KCNQ1: variants seen among roughly 807,000 people sequenced by gnomAD.
The protein encoded by KCNQ1 is potassium voltage-gated channel subfamily KQT member 1.
Under a neutral mutation model 72.4 loss-of-function variants are expected in KCNQ1, and 49 were observed. The observed-to-expected ratio is 0.68, with a 90% confidence interval of 0.54 to 0.86. The LOEUF (loss-of-function observed/expected upper bound fraction) is 0.86, where lower values mean the gene tolerates loss of function less well. KCNQ1 is among the 40% of genes least tolerant of loss of function. The pLI, the probability that KCNQ1 is intolerant of heterozygous loss-of-function variation, is 0.00. For missense variants in KCNQ1, 790 were observed against 945.1 expected (o/e 0.84, Z 2.15); for synonymous variants, 450 against 412.6 (o/e 1.09, Z -1.10).
chr11:2,513,352 C>T (rs999101408), intron 1 of KCNQ1, among the ~76,000 whole-genome samples: 7 of 152,154 alleles, frequency 4.6e-5, no homozygotes, highest in African/African-American at 1.7e-4. Context: ...CTCAAGGGAC[C>T]CATGGGACTT....
At chr11:2,667,248 G>A (rs997633069) in intron 11 of KCNQ1, 30 of 398,558 alleles carry the variant, frequency 7.5e-5, no homozygotes, top group Admixed American at 7.0e-4. Context: ...GTCTGAGCAC[G>A]TGAGGAAGAA....
intron 10 of KCNQ1, chr11:2,637,110 G>A (rs1475021771): frequency 6.6e-6 from 1 of 151,774 alleles, no homozygotes; most frequent in East Asian, 1.9e-4. Context: ...TATCAATTTT[G>A]TTGATCTTTT....
chr11:2,610,979 A>C, intron 10 of KCNQ1: 1 of 398,368 alleles, frequency 2.5e-6, no homozygotes. Flanking sequence ...AAGAGTTAGT[A>C]CTATTATTGT....
rs897821378 is a variant in KCNQ1, at chr11:2,642,548, G to T, written c.1394-19413G>T. On this transcript the variant is annotated intron_variant, in intron 10 of 15. Transcript: ENST00000155840. The surrounding 1 kb of genome is among the most constrained non-coding windows in gnomAD (Gnocchi z 4.3). ...CTTTTTCATTTTTGATTTTATTCATGTAGGTCTTCTCTCTTTTCTTCTTGG... is the reference window on the plus strand; with the variant it reads ...CTTTTTCATTTTTGATTTTATTCATTTAGGTCTTCTCTCTTTTCTTCTTGG... The T allele has an allele frequency of 3.0e-5, 12 of 397,670 alleles. No individual in the cohort carries two copies. The highest frequency in any genetic ancestry group is 2.5e-4 in the African/African-American group (12 of 48,550). 24.6% of individuals were successfully genotyped at this position (397,670 alleles called of 1,614,324 possible). A position where few individuals can be genotyped will look rare whatever the true frequency, so the allele number is the denominator to read the frequency against.
chr11:2,595,034 G>A lies in KCNQ1; in HGVS notation c.1393+6180G>A, dbSNP rs1393477461. 2.6e-5 allele frequency among the ~76,000 whole-genome samples: 4 copies of A among 152,154 alleles called. No homozygotes were observed. The highest frequency in any genetic ancestry group is 2.6e-4 in the Admixed American group (4 of 15,286). On this transcript the variant is annotated intron_variant, in intron 10 of 15. Transcript: ENST00000155840. The surrounding 1 kb of genome is among the most constrained non-coding windows in gnomAD (Gnocchi z 5.0). ...GAAGCTGCACTTTTGCTTGTACAGG[G>A]TGACCCAGTGAACCAATCCAGGACC...
At position 2,627,281 on chromosome 11, in the gene KCNQ1, T is replaced by C. The variant is rs1211114428; in HGVS notation, c.1394-34680T>C. 1 of 398,446 alleles carries C rather than the reference T, an allele frequency of 2.5e-6. No homozygotes were observed. Among genetic ancestry groups the C allele is most frequent in the Non-Finnish European group, 4.4e-6 (1 of 226,060 alleles). The allele number at this position is 398,446 out of a possible 1,614,324, so 24.7% of individuals were successfully genotyped here. A position where few individuals can be genotyped will look rare whatever the true frequency, so the allele number is the denominator to read the frequency against. On this transcript the variant is annotated intron_variant, in intron 10 of 15. Coordinates refer to ENST00000155840, the MANE Select transcript of KCNQ1 (RefSeq NM_000218.3). The surrounding 1 kb of genome is among the most constrained non-coding windows in gnomAD (Gnocchi z 4.9). ...ATTACTACAATCAAGCCAATTAACA[T>C]ATACCTTACATAGTTGCCATGTGTG...
At chr11:2,697,802 C>A in intron 11 of KCNQ1, 1 of 398,614 alleles carries the variant, frequency 2.5e-6, no homozygotes, top group South Asian at 1.3e-4. Flanking sequence ...CATCTACATT[C>A]ATAAGGGAAA....
rs1849234889 is a variant in KCNQ1, at chr11:2,624,696, A to G, written c.1393+35842A>G. ...ATCATCCATCTCCATAACACTTGTC[A>G]TTTGTAATTATGAAACTCTATATCC... is the stretch of plus-strand genomic sequence containing the variant. On this transcript the variant is annotated intron_variant, in intron 10 of 15. Coordinates refer to ENST00000155840, the MANE Select transcript of KCNQ1 (RefSeq NM_000218.3). The surrounding 1 kb of genome is among the most constrained non-coding windows in gnomAD (Gnocchi z 4.9). The G allele has an allele frequency of 2.5e-6, 1 of 398,408 alleles. No individual in the cohort carries two copies. Among genetic ancestry groups the G allele is most frequent in the Admixed American group, 4.4e-5 (1 of 22,712 alleles). The allele number at this position is 398,408 out of a possible 1,614,324, so 24.7% of individuals were successfully genotyped here.
Position 2,642,909 on chromosome 11 carries a change from C to A in KCNQ1, c.1394-19052C>A. On this transcript the variant is annotated intron_variant, in intron 10 of 15. Transcript: ENST00000155840. The surrounding 1 kb of genome is among the most constrained non-coding windows in gnomAD (Gnocchi z 4.3). ...AAATTTTTTATTTCTGCCTTAATTT[C>A]TTCTTTGACCCATTGGTCATTCAGG... 1 of 397,846 alleles carries A rather than the reference C, an allele frequency of 2.5e-6. No homozygotes were observed. The highest frequency in any genetic ancestry group is 4.4e-6 in the Non-Finnish European group (1 of 225,668). The allele number at this position is 397,846 out of a possible 1,614,324, so 24.6% of individuals were successfully genotyped here.
rs1564852033 is a variant in KCNQ1, at chr11:2,668,507, T to C, written c.1514+6426T>C. On this transcript the variant is annotated intron_variant, in intron 11 of 15. Transcript: ENST00000155840. This position sits in a 1 kb window ranked among gnomAD's most constrained non-coding sequence, Gnocchi z 4.3. Reference sequence around the variant, plus strand: ...CCATGATGGTGAATGTCTAGCAGCATCAAATGGTGATTTTAATTTGCAGTA... The same window carrying C: ...CCATGATGGTGAATGTCTAGCAGCACCAAATGGTGATTTTAATTTGCAGTA... 5.0e-6 allele frequency: 2 copies of C among 398,670 alleles called. No individual in the cohort carries two copies. The highest frequency in any genetic ancestry group is 8.8e-6 in the Non-Finnish European group (2 of 226,072). 24.7% of individuals were successfully genotyped at this position (398,670 alleles called of 1,614,324 possible).
chr11:2,749,855 G>A (rs868712880), intron 11 of KCNQ1, among the ~76,000 whole-genome samples: 1 of 151,654 alleles, frequency 6.6e-6, no homozygotes, highest in Non-Finnish European at 1.5e-5. Context: ...GTGGACGCCT[G>A]TAATCCCAGC....
At chr11:2,825,683 C>T (rs1275399944) in intron 15 of KCNQ1, among the ~76,000 whole-genome samples, 3 of 152,236 alleles carry the variant, frequency 2.0e-5, no homozygotes, top group African/African-American at 7.2e-5. Context: ...GAACAATAAA[C>T]AGACAATTAA....
At chr11:2,580,576 C>T (rs1423186259) in intron 6 of KCNQ1, among the ~76,000 whole-genome samples, 7 of 152,318 alleles carry the variant, frequency 4.6e-5, no homozygotes, top group Admixed American at 6.5e-5. Context: ...CCACTGCTTA[C>T]GCTTGGGTGG....
In KCNQ1 at chr11:2,478,538, T is replaced by G. The variant is rs1383933267; in HGVS notation, c.386+33054T>G. Among the ~76,000 whole-genome samples the G allele has an allele frequency of 1.3e-5, 2 of 151,978 alleles. No individual in the cohort carries two copies. The highest frequency in any genetic ancestry group is 1.9e-4 in the East Asian group (1 of 5,184). On this transcript the variant is annotated intron_variant, in intron 1 of 15. Coordinates refer to ENST00000155840, the MANE Select transcript of KCNQ1 (RefSeq NM_000218.3). This position sits in a 1 kb window ranked among gnomAD's most constrained non-coding sequence, Gnocchi z 4.0. Reference sequence around the variant, plus strand: ...CAAAGGGTTTCCCCTTATAAAACCATCAGATCTCGTGAGACTTATTCATTA... The same window carrying G: ...CAAAGGGTTTCCCCTTATAAAACCAGCAGATCTCGTGAGACTTATTCATTA...
Position 2,828,903 on chromosome 11 carries a change from T to C in KCNQ1, c.1795-18864T>C, listed in dbSNP as rs115949303. Among the ~76,000 whole-genome samples the C allele has an allele frequency of 2.0e-5, 3 of 152,220 alleles. No homozygotes were observed. Among genetic ancestry groups the C allele is most frequent in the African/African-American group, 7.2e-5 (3 of 41,524 alleles). ...AAAAAGTAAGTCACACACAAGAGAA[T>C]AGAAAATCAAAACGGTATCCAATTT... On this transcript the variant is annotated intron_variant, in intron 15 of 15. Coordinates refer to ENST00000155840, the MANE Select transcript of KCNQ1 (RefSeq NM_000218.3). This position sits in a 1 kb window ranked among gnomAD's most constrained non-coding sequence, Gnocchi z 5.3.
chr11:2,701,542 A>G (rs1365493379), intron 11 of KCNQ1, among the ~76,000 whole-genome samples: 1 of 152,154 alleles, frequency 6.6e-6, no homozygotes, highest in East Asian at 1.9e-4. Context: ...TGCACCCCAG[A>G]CTCAGGGTTT....
At position 2,644,014 on chromosome 11, in the gene KCNQ1, C is replaced by T. The variant is rs552024216; in HGVS notation, c.1394-17947C>T. The stretch of plus-strand genomic sequence containing the variant: ...TGTAAGTGTCTACAACCTCTTTTAT[C>T]GCTGGTTTTATGATTCTCTCTTTGT... On this transcript the variant is annotated intron_variant, in intron 10 of 15. Coordinates refer to ENST00000155840, the MANE Select transcript of KCNQ1 (RefSeq NM_000218.3). 37 of 398,458 alleles carry T rather than the reference C, an allele frequency of 9.3e-5. No individual in the cohort carries two copies. In the South Asian group the frequency reaches 4.0e-3, roughly 43 times the overall value. 24.7% of individuals were successfully genotyped at this position (398,458 alleles called of 1,614,324 possible).
chr11:2,765,423 C>G (rs778721569), intron 11 of KCNQ1, among the ~76,000 whole-genome samples: 2 of 152,134 alleles, frequency 1.3e-5, no homozygotes, highest in Non-Finnish European at 2.9e-5. Context: ...CATATGGTCT[C>G]TTTTGGTACA....
chr11:2,666,768 A>G, intron 11 of KCNQ1: 1 of 398,764 alleles, frequency 2.5e-6, no homozygotes, highest in Non-Finnish European at 4.4e-6. Flanking sequence ...GTGAGTGTCT[A>G]AGCTCCTCAC....
Sources: gnomAD v4.1 joint callset for allele counts (sites outside exome capture counted in the v4.1 genomes callset) on GRCh38, gnomAD v4.1.1 for gene constraint, Gnocchi (gnomAD v3.1) non-coding constraint, MANE v1.5 for transcripts, NCBI Gene and HGNC (gene_info 2026-07-23, HGNC 2026-07-21) for gene names.